The following PCDH11X variants were observed in gnomAD, a reference collection of about 807,000 sequenced individuals.
PCDH11X encodes the protein protocadherin 11 X-linked.
PCDH11X carries 18 observed loss-of-function variants against 53.3 expected under a neutral mutation model. The ratio of observed to expected loss-of-function variants is 0.34; its 90% CI spans 0.23 to 0.50. The LOEUF (loss-of-function observed/expected upper bound fraction) is 0.50. PCDH11X is among the 20% of genes least tolerant of loss of function. The probability of loss-of-function intolerance (pLI) is 0.98; values close to 1 mark genes in which losing one functional copy is unlikely to be tolerated. For synonymous variants in PCDH11X, 279 were observed against 393.3 expected (o/e 0.71, Z 3.44); for missense variants, 570 against 1,032.4 (o/e 0.55, Z 6.14).
chrX:92,498,234 A>C (rs2073894634), intron 10 of PCDH11X, among the ~76,000 whole-genome samples: 2 of 110,974 alleles, frequency 1.8e-5, no homozygotes, highest in Non-Finnish European at 3.8e-5. Flanking sequence ...TATGCTCCTT[A>C]AAAGAGGTAG....
At chrX:92,255,521 T>G (rs1366413501) in intron 7 of PCDH11X, among the ~76,000 whole-genome samples, 5 of 108,567 alleles carry the variant, frequency 4.6e-5, no homozygotes, top group Admixed American at 9.8e-5. Context: ...GGCGCTCTGA[T>G]TTTTAGAGTT....
intron 7 of PCDH11X, among the ~76,000 whole-genome samples, chrX:92,223,907 TATAAATGCTACGGTTAC>T (rs2148359444): frequency 9.0e-6 from 1 of 111,243 alleles, no homozygotes; most frequent in Non-Finnish European, 1.9e-5. Context: ...TTGCAAGACT[TATAAATGCTACGGTTAC>T]ACAAATGCTA....
chrX:91,854,428 C>A (rs1938206054), intron 5 of PCDH11X, among the ~76,000 whole-genome samples: 1 of 112,322 alleles, frequency 8.9e-6, no homozygotes, highest in African/African-American at 3.2e-5. Flanking sequence ...GCTTCCAAAT[C>A]TTGGCTACTG....
intron 10 of PCDH11X, among the ~76,000 whole-genome samples, chrX:92,475,089 C>T (rs1229801369): frequency 7.0e-5 from 6 of 85,966 alleles, no homozygotes; most frequent in African/African-American, 1.9e-4. Context: ...GGCGTGAACC[C>T]GGGAGGCGGA....
At chrX:92,293,367 G>C (rs1295508569) in intron 8 of PCDH11X, among the ~76,000 whole-genome samples, 1 of 110,637 alleles carries the variant, frequency 9.0e-6, no homozygotes, top group East Asian at 2.9e-4. Flanking sequence ...GCTGAGGCCT[G>C]TAATCCCAGC....
chrX:92,542,958 C>G lies in PCDH11X; in HGVS notation c.3367+74636C>G, dbSNP rs143713116. Among the ~76,000 whole-genome samples the G allele has an allele frequency of 6.7e-3, 748 of 111,615 alleles. 2 individuals are homozygous for G. The highest frequency in any genetic ancestry group is 0.023 in the African/African-American group (719 of 30,781). Reference sequence around the variant, plus strand: ...TCAACCAATTCTGTTATTAACAATCCTGAACAGGATTATTCATCATAAGAC... The same window carrying G: ...TCAACCAATTCTGTTATTAACAATCGTGAACAGGATTATTCATCATAAGAC... On this transcript the variant is annotated intron_variant, in intron 10 of 10. Transcript: ENST00000682573.
intron 6 of PCDH11X, among the ~76,000 whole-genome samples, chrX:92,182,561 T>C (rs1315812151): frequency 9.0e-6 from 1 of 111,446 alleles, no homozygotes; most frequent in Admixed American, 9.5e-5. Flanking sequence ...AATTCCCACA[T>C]GATGTGGGAA....
At chrX:91,922,640 C>A (rs1230868120) in intron 6 of PCDH11X, among the ~76,000 whole-genome samples, 1 of 112,231 alleles carries the variant, frequency 8.9e-6, no homozygotes, top group African/African-American at 3.2e-5. Flanking sequence ...CTATTGTGAA[C>A]TGTGCATGCG....
intron 8 of PCDH11X, among the ~76,000 whole-genome samples, chrX:92,350,707 T>C (rs1253451608): frequency 9.0e-6 from 1 of 111,578 alleles, no homozygotes; most frequent in Non-Finnish European, 1.9e-5. Context: ...CAAAAGTCCA[T>C]GATTCAAGTC....
rs1195524197 is a variant in PCDH11X at position 92,620,283 on chromosome X, A to G, written c.*1343A>G. On this transcript the variant is annotated 3_prime_UTR_variant, in exon 11 of 11. Transcript: ENST00000682573. ...TAAGCAAAGAAACAGTACTATTCAT[A>G]GAAAACATTAGTTTTCTTCTGTTGT... 1.8e-5 allele frequency: 2 copies of G among 111,233 alleles called. No individual in the cohort carries two copies. The highest frequency in any genetic ancestry group is 3.8e-5 in the Non-Finnish European group (2 of 52,973). 9.2% of individuals were successfully genotyped at this position (111,233 alleles called of 1,213,427 possible). A position where few individuals can be genotyped will look rare whatever the true frequency, so the allele number is the denominator to read the frequency against.
chrX:92,147,858 CT>C (rs1556066520), intron 6 of PCDH11X, among the ~76,000 whole-genome samples: 4 of 26,515 alleles, frequency 1.5e-4, no homozygotes, highest in East Asian at 2.7e-3. Context: ...TTTCTTTTTT[CT>C]TTTCTCTCTT....
At chrX:92,481,743 C>T (rs1603341640) in intron 10 of PCDH11X, among the ~76,000 whole-genome samples, 1 of 111,637 alleles carries the variant, frequency 9.0e-6, no homozygotes, top group East Asian at 2.8e-4. Context: ...CAGACGCTCC[C>T]GCACCAAACC....
chrX:92,231,516 G>C (rs950307426), intron 7 of PCDH11X, among the ~76,000 whole-genome samples: 1 of 111,426 alleles, frequency 9.0e-6, no homozygotes, highest in African/African-American at 3.3e-5. Context: ...GATGAGCTGG[G>C]GAAATTCCAT....
intron 8 of PCDH11X, among the ~76,000 whole-genome samples, chrX:92,301,112 G>T (rs1485469571): frequency 1.8e-5 from 2 of 111,250 alleles, no homozygotes; most frequent in African/African-American, 6.5e-5. Flanking sequence ...TGGGGAGAGG[G>T]TGCAGTTGGG....
chrX:92,276,648 G>T, intron 8 of PCDH11X, among the ~76,000 whole-genome samples: 1 of 110,895 alleles, frequency 9.0e-6, no homozygotes, highest in Middle Eastern at 4.6e-3. Context: ...GGAATTGCAA[G>T]TTTTTTCTAT....
intron 6 of PCDH11X, among the ~76,000 whole-genome samples, chrX:92,002,537 A>AT (rs199701200): frequency 0.25 from 27,381 of 108,450 alleles, 2,967 homozygotes; most frequent in East Asian, 0.51. Flanking sequence ...TGAAAATGGA[A>AT]TTTTTTTTCC....
chrX:92,597,694 G>A (rs1925783877), intron 10 of PCDH11X, among the ~76,000 whole-genome samples: 2 of 110,967 alleles, frequency 1.8e-5, no homozygotes, highest in African/African-American at 6.5e-5. Context: ...ATTCATATGG[G>A]ACCACAAAAG....
chrX:91,998,662 A>G (rs912491208), intron 6 of PCDH11X, among the ~76,000 whole-genome samples: 13 of 110,552 alleles, frequency 1.2e-4, no homozygotes, highest in Non-Finnish European at 2.3e-4. Context: ...CCATTTCTCT[A>G]TGATATATTC....
intron 6 of PCDH11X, among the ~76,000 whole-genome samples, chrX:91,898,122 T>A (rs1373937307): frequency 9.0e-6 from 1 of 111,164 alleles, no homozygotes; most frequent in Non-Finnish European, 1.9e-5. Context: ...TAAAAAAATG[T>A]ACATAGCACA....
Sources: allele counts gnomAD v4.1 joint callset (sites outside exome capture counted in the v4.1 genomes callset), GRCh38; gene constraint gnomAD v4.1.1; transcripts MANE v1.5; gene names NCBI Gene and HGNC (gene_info 2026-07-23, HGNC 2026-07-21).